The following SORCS3 variants were observed in gnomAD, a reference collection of about 807,000 sequenced individuals.
SORCS3 encodes the protein VPS10 domain-containing receptor SorCS3.
A neutral mutation model predicts 146.3 loss-of-function variants in SORCS3; 57 were observed. That is an observed-to-expected ratio of 0.39 (90% confidence interval 0.31 to 0.49). SORCS3 has a LOEUF of 0.49. Ranked by LOEUF, SORCS3 falls within the 20% of genes least tolerant of loss-of-function variation. The pLI is 0.92. For synonymous variants in SORCS3, 653 were observed against 618.5 expected (o/e 1.06, Z -0.83); for missense variants, 1,341 against 1,575.5 (o/e 0.85, Z 2.52).
At chr10:104,838,185 G>A (rs371866531) in intron 1 of SORCS3, among the ~76,000 whole-genome samples, 118 of 152,220 alleles carry the variant, frequency 7.8e-4, no homozygotes, top group Admixed American at 1.8e-3. Flanking sequence ...CAGCTGGAGG[G>A]GATTCAAGTC....
chr10:104,731,779 A>T (rs2016709161), intron 1 of SORCS3, among the ~76,000 whole-genome samples: 1 of 152,208 alleles, frequency 6.6e-6, no homozygotes, highest in African/African-American at 2.4e-5. Flanking sequence ...AATTTGCCTG[A>T]TGCTCAGTAG....
chr10:104,678,636 A>C (rs1419064078), intron 1 of SORCS3, among the ~76,000 whole-genome samples: 3 of 152,212 alleles, frequency 2.0e-5, no homozygotes, highest in Non-Finnish European at 4.4e-5. Flanking sequence ...TAGCCTCCTG[A>C]GGGCAGGGAC....
At chr10:105,262,069 C>A (rs1179207764) in intron 25 of SORCS3, among the ~76,000 whole-genome samples, 1 of 151,984 alleles carries the variant, frequency 6.6e-6, no homozygotes, top group Non-Finnish European at 1.5e-5. Flanking sequence ...TTTGTTTATA[C>A]CTTCTTGTTT....
In SORCS3 at chr10:105,039,447, C is replaced by T. The variant is rs547147052; in HGVS notation, c.955-3608C>T. Reference sequence around the variant, plus strand: ...GAGGAGATCAGCAGTGGCTCTCTCGCTCTCTTTTTTTTTTTTTTTTTTTTT... The same window carrying T: ...GAGGAGATCAGCAGTGGCTCTCTCGTTCTCTTTTTTTTTTTTTTTTTTTTT... On this transcript the variant is annotated intron_variant, in intron 4 of 26. Transcript: ENST00000369701. 4.9e-5 allele frequency among the ~76,000 whole-genome samples: 7 copies of T among 143,126 alleles called. No homozygotes were observed. The East Asian group carries it at 8.1e-4, about 17-fold the overall frequency. 93.9% of individuals were successfully genotyped at this position (143,126 alleles called of 152,430 possible). A position where few individuals can be genotyped will look rare whatever the true frequency, so the allele number is the denominator to read the frequency against.
intron 1 of SORCS3, among the ~76,000 whole-genome samples, chr10:104,816,462 T>G (rs2017798871): frequency 3.3e-5 from 5 of 152,204 alleles, no homozygotes; most frequent in Admixed American, 2.6e-4. Flanking sequence ...TGGTTATCCT[T>G]TCTGATATAA....
At chr10:104,975,211 G>C (rs910501769) in intron 3 of SORCS3, among the ~76,000 whole-genome samples, 1 of 152,132 alleles carries the variant, frequency 6.6e-6, no homozygotes, top group Non-Finnish European at 1.5e-5. Context: ...CTTCAGCAAA[G>C]TCTCAGGATA....
Position 105,262,385 on chromosome 10 carries a change from G to A in SORCS3, c.3498G>A (p.Glu1166=), listed in dbSNP as rs2056966286. 2 of 1,614,058 alleles carry A rather than the reference G, an allele frequency of 1.2e-6. No homozygotes were observed. The highest frequency in any genetic ancestry group is 1.7e-6 in the Non-Finnish European group (2 of 1,179,938). ...YAQVQHDKEQ[E]MIGSVSQSEN... ...AAGTCCAACACGACAAGGAGCAGGA[G>A]ATGATTGGGTCAGTGAGCCAAAGTG... The change falls in exon 26 of 27, where the codon GAG becomes GAA. Residue 1166 remains glutamate (E), a synonymous_variant. Transcript: ENST00000369701.
intron 22 of SORCS3, among the ~76,000 whole-genome samples, chr10:105,251,327 C>T (rs372266067): frequency 6.6e-6 from 1 of 152,100 alleles, no homozygotes; most frequent in African/African-American, 2.4e-5. Context: ...GGAAACCACC[C>T]CCAGGATTCG....
chr10:105,046,755 G>C (rs2055375223), intron 5 of SORCS3, among the ~76,000 whole-genome samples: 1 of 151,944 alleles, frequency 6.6e-6, no homozygotes, highest in South Asian at 2.1e-4. Context: ...TTACACCGTG[G>C]AGTGACTCAG....
At chr10:105,008,340 C>T (rs2055110417) in intron 4 of SORCS3, among the ~76,000 whole-genome samples, 1 of 152,190 alleles carries the variant, frequency 6.6e-6, no homozygotes, top group African/African-American at 2.4e-5. Context: ...ACTGATGTCT[C>T]ATGAAAACTC....
chr10:104,947,586 T>C (rs564018507), intron 3 of SORCS3, among the ~76,000 whole-genome samples: 1 of 152,268 alleles, frequency 6.6e-6, no homozygotes, highest in African/African-American at 2.4e-5. Context: ...GCCTGCTTCA[T>C]GACCTAGCAC....
chr10:104,945,351 G>T (rs1237691978), intron 3 of SORCS3, among the ~76,000 whole-genome samples: 2 of 152,036 alleles, frequency 1.3e-5, no homozygotes, highest in African/African-American at 4.8e-5. Flanking sequence ...TCCACCTCCT[G>T]GGTTTAAGTG....
chr10:104,886,065 C>G (rs940221643), intron 2 of SORCS3, among the ~76,000 whole-genome samples: 1 of 152,150 alleles, frequency 6.6e-6, no homozygotes, highest in Non-Finnish European at 1.5e-5. Flanking sequence ...CTGAGACACC[C>G]TGCTGCTAAT....
chr10:105,013,274 C>T (rs1214458098), intron 4 of SORCS3, among the ~76,000 whole-genome samples: 1 of 152,040 alleles, frequency 6.6e-6, no homozygotes, highest in African/African-American at 2.4e-5. Context: ...CCACCAAAAA[C>T]ATATAACATA....
chr10:105,103,021 C>A (rs1408902280), intron 6 of SORCS3, among the ~76,000 whole-genome samples: 1 of 151,910 alleles, frequency 6.6e-6, no homozygotes, highest in Non-Finnish European at 1.5e-5. Context: ...ATCTCCTGAC[C>A]TCGTGATCCA....
intron 7 of SORCS3, among the ~76,000 whole-genome samples, chr10:105,119,847 T>G (rs1047803773): frequency 2.0e-5 from 3 of 152,194 alleles, no homozygotes; most frequent in African/African-American, 7.2e-5. Flanking sequence ...TACAGGCTTA[T>G]AGGTAGAAGG....
chr10:105,194,033 AT>A (rs572881942), intron 14 of SORCS3, among the ~76,000 whole-genome samples: 259 of 152,094 alleles, frequency 1.7e-3, no homozygotes, highest in Non-Finnish European at 3.2e-3. Flanking sequence ...ATTTTAATTG[AT>A]TTTTTTTCCT....
At chr10:104,971,982 A>G (rs150168332) in intron 3 of SORCS3, among the ~76,000 whole-genome samples, 44 of 152,290 alleles carry the variant, frequency 2.9e-4, no homozygotes, top group African/African-American at 9.1e-4. Flanking sequence ...AAGTTTGTCT[A>G]TCTTTAGAGA....
At chr10:105,111,453 A>G (rs777862047) in intron 7 of SORCS3, among the ~76,000 whole-genome samples, 6 of 152,196 alleles carry the variant, frequency 3.9e-5, no homozygotes, top group Admixed American at 1.3e-4. Flanking sequence ...TGAGAAGATA[A>G]GACACCATCC....
Sources: gnomAD v4.1 joint callset for allele counts (sites outside exome capture counted in the v4.1 genomes callset) on GRCh38, gnomAD v4.1.1 for gene constraint, MANE v1.5 for transcripts, NCBI Gene and HGNC (gene_info 2026-07-23, HGNC 2026-07-21) for gene names.